NDUFV2: variants seen among roughly 807,000 people sequenced by gnomAD.
NDUFV2 encodes the protein NADH:ubiquinone oxidoreductase core subunit V2, also known as NADH dehydrogenase [ubiquinone] flavoprotein 2, mitochondrial.
In NDUFV2, 18 loss-of-function variants were observed where a neutral mutation model predicts 31.6. The observed-to-expected ratio is 0.57, with a 90% CI of 0.39 to 0.84. The LOEUF (loss-of-function observed/expected upper bound fraction) is 0.84, where lower values mean the gene tolerates loss of function less well. Ranked by LOEUF, NDUFV2 falls within the 40% of genes least tolerant of loss-of-function variation. NDUFV2 has a pLI of 0.00. For missense variants in NDUFV2, 314 were observed against 303.6 expected (o/e 1.03, Z -0.26); for synonymous variants, 83 against 99.8 (o/e 0.83, Z 1.01).
At chr18:9,131,042 G>A (rs1171265632) in intron 7 of NDUFV2, among the ~76,000 whole-genome samples, 1 of 152,196 alleles carries the variant, frequency 6.6e-6, no homozygotes, top group Non-Finnish European at 1.5e-5. Flanking sequence ...ATAGCCTGCA[G>A]TTGTCTGAAG....
chr18:9,105,497 G>A (rs373258528), intron 1 of NDUFV2, among the ~76,000 whole-genome samples: 11 of 152,274 alleles, frequency 7.2e-5, no homozygotes, highest in Admixed American at 3.9e-4. Flanking sequence ...CCCTTCTTCA[G>A]TAATTGCCCA....
chr18:9,117,569 C>A, intron 1 of NDUFV2: 1 of 394,922 alleles, frequency 2.5e-6, no homozygotes, highest in Non-Finnish European at 4.7e-6. Flanking sequence ...CAGAGCGTGG[C>A]AGGAAGGTAC....
chr18:9,126,552 C>A, intron 6 of NDUFV2: 1 of 393,920 alleles, frequency 2.5e-6, no homozygotes, highest in Non-Finnish European at 4.8e-6. Context: ...ATAGGAGTTA[C>A]TTAATTGTTG....
At chr18:9,129,596 C>T (rs190018819) in intron 7 of NDUFV2, among the ~76,000 whole-genome samples, 87 of 151,982 alleles carry the variant, frequency 5.7e-4, no homozygotes, top group African/African-American at 1.9e-3. Flanking sequence ...GAGGAGAGGC[C>T]GCTTAGAGGT....
At chr18:9,127,009 G>T in intron 7 of NDUFV2, 102 bp downstream of exon 7, 1 of 923,304 alleles carries the variant, frequency 1.1e-6, no homozygotes, top group Non-Finnish European at 1.8e-6. Flanking sequence ...CATAGGAATT[G>T]GTAGGAGCTT....
At chr18:9,104,183 A>G in intron 1 of NDUFV2, 1 of 1,612,644 alleles carries the variant, frequency 6.2e-7, no homozygotes, top group Non-Finnish European at 8.5e-7. Flanking sequence ...TGTTGGCAAG[A>G]AAAAGATCGG....
chr18:9,116,948 T>C (rs909680266), intron 1 of NDUFV2, among the ~76,000 whole-genome samples: 2 of 151,738 alleles, frequency 1.3e-5, no homozygotes. Flanking sequence ...CAAAGAGAAA[T>C]GAAATGCAGC....
intron 5 of NDUFV2, 70 bp from the exon 6 acceptor site, chr18:9,124,801 CTTT>C (rs35039643): frequency 1.3e-3 from 1,623 of 1,205,834 alleles, no homozygotes; most frequent in South Asian, 2.2e-3. Context: ...TATAAAAATT[CTTT>C]TTTTTTTTTT....
At chr18:9,108,775 C>T (rs965223734) in intron 1 of NDUFV2, among the ~76,000 whole-genome samples, 5 of 150,922 alleles carry the variant, frequency 3.3e-5, no homozygotes, top group African/African-American at 9.8e-5. Flanking sequence ...ACTGCAACCT[C>T]TGCCTCCCGG....
In NDUFV2 at chr18:9,126,865, T is replaced by C; in HGVS notation, c.614T>C (p.Ile205Thr). The part of the protein sequence containing the change: ...DLTAKDIEEI[I>T]DELKAGKIPK... ...ACAGCTAAGGATATTGAAGAAATTA[T>C]TGATGAGCTCAAGGCTGGCAAAATC... Residue 205 changes from isoleucine (I) to threonine (T), a missense_variant, in exon 7 of 8, where the codon ATT becomes ACT. Coordinates refer to ENST00000318388, the MANE Select transcript of NDUFV2 (RefSeq NM_021074.5). The C allele has an allele frequency of 1.2e-6, 2 of 1,613,956 alleles. No individual in the cohort carries two copies. Among genetic ancestry groups the C allele is most frequent in the Non-Finnish European group, 1.7e-6 (2 of 1,179,954 alleles).
chr18:9,112,191 G>A (rs2077874877), intron 1 of NDUFV2, among the ~76,000 whole-genome samples: 1 of 151,638 alleles, frequency 6.6e-6, no homozygotes, highest in Non-Finnish European at 1.5e-5. Context: ...GTGAATTTTT[G>A]TATTTTTAGT....
chr18:9,124,747 C>T (rs1447342059), intron 5 of NDUFV2, 127 bp from the exon 6 acceptor site: 1 of 982,476 alleles, frequency 1.0e-6, no homozygotes, highest in Non-Finnish European at 1.5e-6. Flanking sequence ...CGCGCCTGGC[C>T]TCTTTTTAAA....
chr18:9,107,421 A>G (rs116998578), intron 1 of NDUFV2, among the ~76,000 whole-genome samples: 2,002 of 152,310 alleles, frequency 0.013, 58 homozygotes, highest in Admixed American at 0.066. Flanking sequence ...TTTTTGAATC[A>G]GTTCAGGAAG....
chr18:9,129,569 T>C (rs185072827), intron 7 of NDUFV2, among the ~76,000 whole-genome samples: 53 of 152,144 alleles, frequency 3.5e-4, no homozygotes, highest in Admixed American at 1.3e-3. Context: ...AGGGGATAGA[T>C]AGGGAGTAAA....
chr18:9,125,863 G>A (rs1342159152), intron 6 of NDUFV2, among the ~76,000 whole-genome samples: 2 of 152,098 alleles, frequency 1.3e-5, no homozygotes, highest in African/African-American at 4.8e-5. Flanking sequence ...GGTGTGAAAG[G>A]TTCCAGACTA....
At position 9,122,543 on chromosome 18, in the gene NDUFV2, A is replaced by C. The variant is rs1412248267; in HGVS notation, c.331A>C (p.Arg111=). 4 of 1,613,758 alleles carry C rather than the reference A, an allele frequency of 2.5e-6. No homozygotes were observed. In the African/African-American group the frequency reaches 4.0e-5, roughly 16 times the overall value. Reference sequence around the variant, plus strand: ...AGAAGTTTTACAAGTACCTCCAATGAGAGTATATGAAGTAGCAACTTTTTA... The same window carrying C: ...AGAAGTTTTACAAGTACCTCCAATGCGAGTATATGAAGTAGCAACTTTTTA... The part of the protein sequence containing the change: ...VAEVLQVPPM[R]VYEVATFYTM... The change falls in exon 5 of 8, where the codon AGA becomes CGA. Residue 111 remains arginine, a synonymous_variant. Coordinates refer to ENST00000318388, the MANE Select transcript of NDUFV2 (RefSeq NM_021074.5).
chr18:9,117,796 A>G, intron 1 of NDUFV2, 42 bp from the exon 2 acceptor site: 1 of 1,156,624 alleles, frequency 8.6e-7, no homozygotes, highest in Non-Finnish European at 1.3e-6. Context: ...AAATTTTTTA[A>G]GGCTATGATT....
chr18:9,102,781 G>C lies in NDUFV2; in HGVS notation c.38G>C (p.Gly13Ala), dbSNP rs1299702824. Residue 13 changes from glycine to alanine, a missense_variant, in exon 1 of 8, where the codon GGC becomes GCC. By Grantham distance (60) the Gly-to-Ala change is moderately conservative. Coordinates refer to ENST00000318388, the MANE Select transcript of NDUFV2 (RefSeq NM_021074.5). Reference sequence around the variant, plus strand: ...GCGGCGCTCCGGGCCCGGGCGGCTGGCCTCACCGCCCACTGGGTAAGGAGG... The same window carrying C: ...GCGGCGCTCCGGGCCCGGGCGGCTGCCCTCACCGCCCACTGGGTAAGGAGG... ...FSAALRARAA[G>A]LTAHWGRHVR... The C allele has an allele frequency of 1.3e-6, 2 of 1,578,754 alleles. No individual in the cohort carries two copies. The highest frequency in any genetic ancestry group is 8.6e-7 in the Non-Finnish European group (1 of 1,164,578).
chr18:9,121,670 G>C (rs1185466083), intron 4 of NDUFV2, among the ~76,000 whole-genome samples: 3 of 152,166 alleles, frequency 2.0e-5, no homozygotes, highest in Admixed American at 6.5e-5. Context: ...CACCTAGAAA[G>C]TTGTAGACAG....
Sources: allele counts gnomAD v4.1 joint callset (sites outside exome capture counted in the v4.1 genomes callset), GRCh38; gene constraint gnomAD v4.1.1; transcripts MANE v1.5; gene names NCBI Gene and HGNC (gene_info 2026-07-23, HGNC 2026-07-21).